The following FRAS1 variants were observed in gnomAD, a reference collection of about 807,000 sequenced individuals.
FRAS1 encodes Fraser extracellular matrix complex subunit 1, also known as extracellular matrix organizing protein FRAS1.
A neutral mutation model predicts 435.2 loss-of-function variants in FRAS1; 290 were observed. The observed-to-expected ratio is 0.67, with a 90% CI of 0.61 to 0.73. FRAS1 has a LOEUF of 0.73. Among genes scored for constraint, FRAS1 ranks in the 30% least tolerant of loss-of-function variants. The pLI is 0.00. For missense variants in FRAS1, 4,860 were observed against 5,001.5 expected (o/e 0.97, Z 0.85); for synonymous variants, 1,800 against 1,851.0 (o/e 0.97, Z 0.71).
intron 2 of FRAS1, among the ~76,000 whole-genome samples, chr4:78,096,797 T>G (rs1202959393): frequency 6.6e-6 from 1 of 152,244 alleles, no homozygotes; most frequent in Non-Finnish European, 1.5e-5. Context: ...CCTCTAGGCC[T>G]GTGATGGAAG....
chr4:78,284,151 A>G (rs1727462277), intron 12 of FRAS1, among the ~76,000 whole-genome samples: 1 of 150,252 alleles, frequency 6.7e-6, no homozygotes, highest in South Asian at 2.1e-4. Flanking sequence ...TTCTTTTAGT[A>G]TCTTCATGCT....
intron 51 of FRAS1, 22 bp downstream of exon 51, chr4:78,470,113 T>C: frequency 2.0e-6 from 3 of 1,497,418 alleles, no homozygotes; most frequent in Non-Finnish European, 2.8e-6. Context: ...CCCTCTGTCA[T>C]GTTCACACCA....
intron 2 of FRAS1, among the ~76,000 whole-genome samples, chr4:78,069,425 C>T (rs1207084654): frequency 2.0e-5 from 3 of 152,196 alleles, no homozygotes; most frequent in African/African-American, 4.8e-5. Context: ...TCACTGATTC[C>T]TTTCAATCTC....
chr4:78,115,024 G>C (rs1578132725), intron 2 of FRAS1, among the ~76,000 whole-genome samples: 1 of 152,166 alleles, frequency 6.6e-6, no homozygotes. Context: ...AATTTATTGA[G>C]AGTTTTTAGC....
intron 14 of FRAS1, among the ~76,000 whole-genome samples, chr4:78,307,563 C>A (rs570210339): frequency 2.0e-5 from 3 of 152,202 alleles, no homozygotes; most frequent in African/African-American, 7.2e-5. Flanking sequence ...CCTGGTGCGC[C>A]GTTTTTTAAG....
intron 63 of FRAS1, 115 bp from the exon 64 acceptor site, chr4:78,511,159 G>GA (rs1721022617): frequency 3.3e-5 from 29 of 873,462 alleles, no homozygotes; most frequent in Non-Finnish European, 5.1e-5. Flanking sequence ...TGAATAGATG[G>GA]AAAAATCAAT....
At position 78,450,265 on chromosome 4, in the gene FRAS1, T is replaced by C. The variant is rs770889288; in HGVS notation, c.6389T>C (p.Met2130Thr). 1 of 1,613,930 alleles carries C rather than the reference T, an allele frequency of 6.2e-7. No individual in the cohort carries two copies. The highest frequency in any genetic ancestry group is 1.1e-5 in the South Asian group (1 of 91,082). The change falls in exon 45 of 74, where the codon ATG (methionine) becomes ACG (threonine). Residue 2130 changes from methionine to threonine, a missense_variant. By Grantham distance (81) the Met-to-Thr change is moderately conservative. Transcript: ENST00000512123. ...CCTGGTGCAGGGCGCCTGCAGATGA[T>C]GAAGCATGGCAACCTGGAGCAAATT... ...EDPGAGRLQMMKHGNLEQISI... is the reference protein window; with the variant it reads ...EDPGAGRLQMTKHGNLEQISI...
Position 78,496,879 on chromosome 4 carries a change from C to T in FRAS1, c.9033C>T (p.Gly3011=). Residue 3011 remains glycine, a synonymous_variant, in exon 60 of 74, where the codon GGC becomes GGT. Transcript: ENST00000512123. ...AGGAACAGTTCAGGGTCTACCTCGG[C>T]CTTCCTCTTGGAAACCACTGGAGTG... The part of the protein sequence containing the change: ...EPEEQFRVYL[G]LPLGNHWSGA... 1.2e-6 allele frequency: 2 copies of T among 1,613,716 alleles called. No individual in the cohort carries two copies. Among genetic ancestry groups the T allele is most frequent in the South Asian group, 1.1e-5 (1 of 91,064 alleles).
chr4:78,132,314 G>T (rs1316430229), intron 2 of FRAS1, among the ~76,000 whole-genome samples: 1 of 152,114 alleles, frequency 6.6e-6, no homozygotes, highest in African/African-American at 2.4e-5. Context: ...AAGGAATCAG[G>T]TCATTGTTTG....
intron 2 of FRAS1, among the ~76,000 whole-genome samples, chr4:78,186,072 A>G (rs1578173570): frequency 1.3e-5 from 2 of 152,250 alleles, no homozygotes; most frequent in Non-Finnish European, 2.9e-5. Flanking sequence ...GTTTGGTAAC[A>G]TCAGAAACTT....
intron 51 of FRAS1, 92 bp from the exon 52 acceptor site, chr4:78,472,088 T>C: frequency 7.7e-7 from 1 of 1,305,632 alleles, no homozygotes; most frequent in Non-Finnish European, 1.1e-6. Flanking sequence ...ACTCAGTAAA[T>C]CATTGTTGAA....
intron 24 of FRAS1, among the ~76,000 whole-genome samples, chr4:78,373,700 G>A (rs1025069533): frequency 1.3e-5 from 2 of 151,832 alleles, no homozygotes; most frequent in South Asian, 4.1e-4. Context: ...GCTTGAACCC[G>A]GGAGGCAGAG....
rs142584723 is a variant in FRAS1 at position 78,531,172 on chromosome 4, T to A, written c.10926-3277T>A. Among the ~76,000 whole-genome samples the A allele has an allele frequency of 8.4e-3, 1,286 of 152,314 alleles. 15 individuals carry two copies. The highest frequency in any genetic ancestry group is 0.029 in the African/African-American group (1,224 of 41,560). The stretch of plus-strand genomic sequence containing the variant: ...TACTGTTGTATAGGAATGCTTGTGA[T>A]TTTTGCACATTGATTATTTATCCTG... On this transcript the variant is annotated intron_variant, in intron 70 of 73. Transcript: ENST00000512123.
At chr4:78,413,175 A>G in intron 32 of FRAS1, 90 bp downstream of exon 32, 1 of 695,508 alleles carries the variant, frequency 1.4e-6, no homozygotes, top group Non-Finnish European at 2.4e-6. Context: ...TTTTGTATAT[A>G]GTAAGTGCCT....
At chr4:78,519,127 G>A (rs1209739426) in intron 66 of FRAS1, among the ~76,000 whole-genome samples, 1 of 152,170 alleles carries the variant, frequency 6.6e-6, no homozygotes, top group African/African-American at 2.4e-5. Context: ...TGACCCTGTC[G>A]AAAGAAGCAT....
At chr4:78,475,364 G>A in intron 53 of FRAS1, 74 bp from the exon 54 acceptor site, 1 of 1,522,690 alleles carries the variant, frequency 6.6e-7, no homozygotes, top group Middle Eastern at 1.7e-4. Context: ...AAATGGAAGA[G>A]ACAGGCATTA....
intron 33 of FRAS1, among the ~76,000 whole-genome samples, chr4:78,420,879 CATATATATAT>C (rs72430754): frequency 0.013 from 1,220 of 95,454 alleles, 20 homozygotes; most frequent in African/African-American, 0.037. Flanking sequence ...ACTAATAGGA[CATATATATAT>C]ATATATATAT....
At chr4:78,123,875 G>A (rs762110272) in intron 2 of FRAS1, among the ~76,000 whole-genome samples, 3 of 152,132 alleles carry the variant, frequency 2.0e-5, no homozygotes, top group Non-Finnish European at 2.9e-5. Context: ...GGAGATTTTG[G>A]GCTGAGACGA....
At position 78,430,382 on chromosome 4, in the gene FRAS1, A is replaced by G. The variant is rs1440409258; in HGVS notation, c.4934A>G (p.Lys1645Arg). 1 of 1,613,652 alleles carries G rather than the reference A, an allele frequency of 6.2e-7. No homozygotes were observed. The highest frequency in any genetic ancestry group is 2.2e-5 in the East Asian group (1 of 44,878). ...CCTCCACAGCATGGTGTGCTTCTTA[A>G]GCATACAGCTGAGTTCCGAAGGCCG... is the stretch of plus-strand genomic sequence containing the variant. ...RRPPQHGVLL[K>R]HTAEFRRPMA... The change falls in exon 37 of 74, where the codon AAG becomes AGG. Residue 1645 changes from lysine to arginine, a missense_variant. Physicochemically the swap from Lys to Arg is conservative, Grantham distance 26. Transcript: ENST00000512123.
Sources: allele counts gnomAD v4.1 joint callset (sites outside exome capture counted in the v4.1 genomes callset), GRCh38; gene constraint gnomAD v4.1.1; transcripts MANE v1.5; gene names NCBI Gene and HGNC (gene_info 2026-07-23, HGNC 2026-07-21).